DENND2C: variants seen among roughly 807,000 people sequenced by gnomAD.
DENND2C encodes the protein DENN domain containing 2C.
DENND2C carries 72 observed loss-of-function variants against 112.4 expected under a neutral mutation model. That is an observed-to-expected ratio of 0.64 (90% CI 0.53 to 0.78). DENND2C has a LOEUF of 0.78. Ranked by LOEUF, DENND2C falls within the 30% of genes least tolerant of loss-of-function variation. The probability of loss-of-function intolerance (pLI) is 0.00; values close to 1 mark genes in which losing one functional copy is unlikely to be tolerated. For synonymous variants in DENND2C, 329 were observed against 381.6 expected, an observed-to-expected ratio of 0.86 and a Z score of 1.61; for missense variants, 992 against 1,113.8, an observed-to-expected ratio of 0.89 and a Z score of 1.56.
At chr1:114,600,787 G>A (rs754019835) in intron 14 of DENND2C, 33 bp downstream of exon 14, 1 of 1,597,248 alleles carries the variant, frequency 6.3e-7, no homozygotes, top group Non-Finnish European at 8.5e-7. Context: ...GCTTTTTAGT[G>A]CTATCAAATC....
At chr1:114,597,999 A>T (rs1438292732) in intron 16 of DENND2C, among the ~76,000 whole-genome samples, 1 of 152,228 alleles carries the variant, frequency 6.6e-6, no homozygotes. Context: ...GAAGACGTGG[A>T]GCAACAGGAA....
At chr1:114,668,520 A>AACAC (rs71580644) in intron 1 of DENND2C, among the ~76,000 whole-genome samples, 9,313 of 146,842 alleles carry the variant, frequency 0.063, 313 homozygotes, top group African/African-American at 0.08. Flanking sequence ...TGCCACATTC[A>AACAC]ACACACACAC....
chr1:114,618,940 T>A (rs1367570393), intron 7 of DENND2C, among the ~76,000 whole-genome samples: 1 of 152,230 alleles, frequency 6.6e-6, no homozygotes, highest in Non-Finnish European at 1.5e-5. Flanking sequence ...TAGAAAGCTT[T>A]TGTCAAAGGG....
At chr1:114,599,511 GTTA>G in intron 15 of DENND2C, 60 bp from the exon 16 acceptor site, 1 of 1,354,004 alleles carries the variant, frequency 7.4e-7, no homozygotes, top group Non-Finnish European at 9.8e-7. Context: ...GGACATTTCA[GTTA>G]TTATGTTAAA....
rs548944644 is a variant in DENND2C at position 114,585,257 on chromosome 1, A to G, written c.*343T>C. 3.0e-5 allele frequency: 8 copies of G among 267,626 alleles called. No homozygotes were observed. The East Asian group carries it at 3.6e-4, about 12-fold the overall frequency. 16.6% of individuals were successfully genotyped at this position (267,626 alleles called of 1,614,324 possible). A position where few individuals can be genotyped will look rare whatever the true frequency, so the allele number is the denominator to read the frequency against. On this transcript the variant is annotated 3_prime_UTR_variant, in exon 21 of 21. Coordinates refer to ENST00000393274, the MANE Select transcript of DENND2C (RefSeq NM_001256404.2). ...CTCTCATTATTCTCATCTTTGAGCT[A>G]TTTTTTAAATGTAACAACAACAAGG...
chr1:114,644,799 A>T (rs543410239), intron 3 of DENND2C, among the ~76,000 whole-genome samples: 11 of 152,282 alleles, frequency 7.2e-5, no homozygotes, highest in African/African-American at 2.4e-4. Context: ...TTAATAGCAC[A>T]TAACATACTA....
At chr1:114,646,783 T>G (rs1189226307) in intron 2 of DENND2C, among the ~76,000 whole-genome samples, 1 of 152,226 alleles carries the variant, frequency 6.6e-6, no homozygotes, top group African/African-American at 2.4e-5. Context: ...CTTGTGTACC[T>G]CTGGTAGATC....
rs573213281 is a variant in DENND2C at position 114,597,466 on chromosome 1, G to GA, written c.2284-1594dup. Reference sequence around the variant, plus strand: ...TCTCAAAAAGAAAAGAGAAGAAAAGGAAAAAAAGGCATCTTGAACAATAAG... The same window carrying GA: ...TCTCAAAAAGAAAAGAGAAGAAAAGGAAAAAAAAGGCATCTTGAACAATAAG... On this transcript the variant is annotated intron_variant, in intron 16 of 20. Coordinates refer to ENST00000393274, the MANE Select transcript of DENND2C (RefSeq NM_001256404.2). 2.2e-3 allele frequency among the ~76,000 whole-genome samples: 321 copies of GA among 148,828 alleles called. 2 individuals carry two copies. The highest frequency in any genetic ancestry group is 7.3e-3 in the African/African-American group (296 of 40,492).
chr1:114,663,836 T>C (rs976074849), intron 1 of DENND2C, among the ~76,000 whole-genome samples: 1 of 152,340 alleles, frequency 6.6e-6, no homozygotes, highest in East Asian at 1.9e-4. Flanking sequence ...TTTGGCAGAA[T>C]TGGGTAGTTA....
chr1:114,631,882 A>G (rs748363194), intron 3 of DENND2C, among the ~76,000 whole-genome samples: 5 of 152,244 alleles, frequency 3.3e-5, no homozygotes, highest in African/African-American at 4.8e-5. Context: ...ACTTCAATTC[A>G]GCTATTATAA....
intron 3 of DENND2C, among the ~76,000 whole-genome samples, chr1:114,636,744 A>C (rs1225842155): frequency 6.6e-6 from 1 of 150,916 alleles, no homozygotes; most frequent in African/African-American, 2.4e-5. Context: ...TAAAAGAAGT[A>C]AAGCTGTTTT....
At chr1:114,668,001 C>A (rs764809516) in intron 1 of DENND2C, among the ~76,000 whole-genome samples, 1 of 152,090 alleles carries the variant, frequency 6.6e-6, no homozygotes, top group African/African-American at 2.4e-5. Flanking sequence ...TGTTACCATC[C>A]GCTTTAAAAA....
intron 3 of DENND2C, among the ~76,000 whole-genome samples, chr1:114,638,528 G>T (rs1280343107): frequency 1.3e-5 from 2 of 152,136 alleles, no homozygotes; most frequent in Non-Finnish European, 2.9e-5. Flanking sequence ...GGGGGCCCAG[G>T]TGGGAGGATC....
rs202049154 is a variant in DENND2C, at chr1:114,601,521, T to C, written c.1802A>G (p.Asn601Ser). The part of the protein sequence containing the change: ...YCMVSRLGCF[N>S]LFSKILDEVE... Reference sequence around the variant, plus strand: ...TTCTCCACTCACCTTTGAAAAAAGATTGAAGCAGCCTAGGCGACTAACCAT... The same window carrying C: ...TTCTCCACTCACCTTTGAAAAAAGACTGAAGCAGCCTAGGCGACTAACCAT... Residue 601 changes from asparagine to serine, a missense_variant, in exon 13 of 21, where the codon AAT becomes AGT. This residue lies in a region of DENND2C where 516 missense variants were observed against 623.6 expected (regional missense o/e 0.83). Coordinates refer to ENST00000393274, the MANE Select transcript of DENND2C (RefSeq NM_001256404.2). The C allele has an allele frequency of 2.3e-4, 367 of 1,612,082 alleles. No individual in the cohort carries two copies. The highest frequency in any genetic ancestry group is 6.5e-4 in the Admixed American group (39 of 59,878).
intron 6 of DENND2C, among the ~76,000 whole-genome samples, chr1:114,622,741 A>G (rs920111363): frequency 2.0e-5 from 3 of 151,972 alleles, no homozygotes; most frequent in African/African-American, 4.8e-5. Context: ...AGTAAACTGA[A>G]AAGTTCATGG....
At position 114,605,034 on chromosome 1, in the gene DENND2C, GA is replaced by G. The variant is rs762441477; in HGVS notation, c.1558-4del. The G allele has an allele frequency of 1.2e-5, 19 of 1,601,440 alleles. No homozygotes were observed. In the East Asian group the frequency reaches 4.0e-4, roughly 34 times the overall value. On this transcript the variant is annotated splice_polypyrimidine_tract_variant and splice_region_variant and intron_variant, in intron 10 of 20. Transcript: ENST00000393274. ...GACTGCTTATAGCCATGATCATCCT[GA>G]AAAAGATAACACCATAGGTGACTTA... is the stretch of plus-strand genomic sequence containing the variant.
At chr1:114,628,423 T>C (rs1018487596) in intron 3 of DENND2C, among the ~76,000 whole-genome samples, 2 of 152,162 alleles carry the variant, frequency 1.3e-5, no homozygotes, top group Non-Finnish European at 2.9e-5. Context: ...GGTGTTTCAG[T>C]TGAACAGAGT....
intron 8 of DENND2C, among the ~76,000 whole-genome samples, chr1:114,612,499 G>A (rs1325654554): frequency 4.0e-5 from 6 of 150,834 alleles, no homozygotes; most frequent in Admixed American, 1.3e-4. Context: ...GACTACAGGC[G>A]TGTGCCACCA....
At chr1:114,606,766 T>A (rs1313304256) in intron 10 of DENND2C, among the ~76,000 whole-genome samples, 1 of 152,170 alleles carries the variant, frequency 6.6e-6, no homozygotes, top group Non-Finnish European at 1.5e-5. Context: ...GACACCCAGG[T>A]GCTGCAGTCT....
Sources: allele counts gnomAD v4.1 joint callset (sites outside exome capture counted in the v4.1 genomes callset), GRCh38; gene constraint gnomAD v4.1.1; regional missense constraint gnomAD v4.1.1; transcripts MANE v1.5; gene names NCBI Gene and HGNC (gene_info 2026-07-23, HGNC 2026-07-21).